SLC35D1: variants seen among roughly 807,000 people sequenced by gnomAD.
The protein encoded by SLC35D1 is nucleotide sugar transporter SLC35D1.
A neutral mutation model predicts 46.7 loss-of-function variants in SLC35D1; 31 were observed. The observed-to-expected ratio is 0.66, with a 90% CI of 0.50 to 0.90. The LOEUF (loss-of-function observed/expected upper bound fraction) is 0.90, where lower values mean the gene tolerates loss of function less well. SLC35D1 is among the 40% of genes least tolerant of loss of function. The probability of loss-of-function intolerance (pLI) is 0.00; values close to 1 mark genes in which losing one functional copy is unlikely to be tolerated. For synonymous variants in SLC35D1, 195 were observed against 164.6 expected (o/e 1.18, Z -1.41); for missense variants, 397 against 426.2 (o/e 0.93, Z 0.60).
intron 11 of SLC35D1, among the ~76,000 whole-genome samples, chr1:67,008,614 AAC>A (rs1159511591): frequency 6.6e-6 from 1 of 152,304 alleles, no homozygotes; most frequent in East Asian, 1.9e-4. Context: ...AAGCAAGGCA[AAC>A]ACAGTCTACT....
chr1:67,030,410 G>C (rs1326896984), intron 8 of SLC35D1, among the ~76,000 whole-genome samples: 1 of 152,012 alleles, frequency 6.6e-6, no homozygotes, highest in African/African-American at 2.4e-5. Flanking sequence ...TGTTGTAAGG[G>C]ACAATGATAA....
intron 10 of SLC35D1, among the ~76,000 whole-genome samples, chr1:67,017,870 T>C (rs916401237): frequency 6.6e-6 from 1 of 152,188 alleles, no homozygotes; most frequent in Admixed American, 6.6e-5. Flanking sequence ...TTAAATTTAC[T>C]CTTTTCTGCT....
chr1:66,981,117 G>T, the SLC35D1 span, among the ~76,000 whole-genome samples: 3 of 152,066 alleles, frequency 2.0e-5, no homozygotes, highest in East Asian at 1.9e-4. Context: ...CATTTTGTAG[G>T]TGATACACTA....
intron 8 of SLC35D1, among the ~76,000 whole-genome samples, chr1:67,039,118 C>T (rs1668186297): frequency 1.3e-5 from 2 of 152,112 alleles, no homozygotes; most frequent in South Asian, 2.1e-4. Flanking sequence ...AGTTTTCCCT[C>T]TTCTGCCTAC....
the SLC35D1 span, among the ~76,000 whole-genome samples, chr1:66,980,589 C>G: frequency 6.6e-6 from 1 of 152,154 alleles, no homozygotes; most frequent in Non-Finnish European, 1.5e-5. Context: ...TCCACTGTTT[C>G]CTTCTTATTT....
Position 67,009,101 on chromosome 1 carries a change from T to A in SLC35D1, c.943A>T (p.Ile315Phe). ...TTTACTTACCTGATATTTAAACCAA[T>A]GAAGTTTGTCCACGTGAAAATATAA... ...GDYIFTWTNFIGLNISIAGSL... is the reference protein window; with the variant it reads ...GDYIFTWTNFFGLNISIAGSL... Residue 315 changes from isoleucine (I) to phenylalanine (F), a missense_variant, in exon 11 of 12, where the codon ATT (isoleucine) becomes TTT (phenylalanine). Ile to Phe is a conservative substitution (Grantham distance 21). Transcript: ENST00000235345. The A allele has an allele frequency of 3.3e-6, 5 of 1,500,014 alleles. No individual in the cohort carries two copies. The highest frequency in any genetic ancestry group is 4.6e-6 in the Non-Finnish European group (5 of 1,079,268). The allele number at this position is 1,500,014 out of a possible 1,614,324, so 92.9% of individuals were successfully genotyped here.
chr1:67,036,840 C>A (rs1668134237), intron 8 of SLC35D1, among the ~76,000 whole-genome samples: 1 of 151,466 alleles, frequency 6.6e-6, no homozygotes, highest in Non-Finnish European at 1.5e-5. Context: ...TCTGGTAGTT[C>A]TGTGGTCTTC....
the SLC35D1 span, among the ~76,000 whole-genome samples, chr1:66,991,656 A>C: frequency 6.6e-6 from 1 of 152,210 alleles, no homozygotes; most frequent in African/African-American, 2.4e-5. Flanking sequence ...CTATTCCAGA[A>C]CGAGGAGTGA....
chr1:67,021,098 T>G (rs894467295), intron 9 of SLC35D1, among the ~76,000 whole-genome samples: 1 of 152,142 alleles, frequency 6.6e-6, no homozygotes, highest in Non-Finnish European at 1.5e-5. Flanking sequence ...AGAGGCACGT[T>G]TGCAGGTATC....
In SLC35D1 at chr1:67,001,817, C is replaced by G. The variant is rs1021569580; in HGVS notation, c.*2523G>C. ...AATGCTGGTTAGTGGCTGAAGGATG[C>G]ATCCAGGAAGCAGAACACAGACAGG... On this transcript the variant is annotated 3_prime_UTR_variant, in exon 12 of 12. Transcript: ENST00000235345. 6.6e-6 allele frequency: 1 copy of G among 152,442 alleles called. No homozygotes were observed. The highest frequency in any genetic ancestry group is 2.4e-5 in the African/African-American group (1 of 41,472). The allele number at this position is 152,442 out of a possible 1,614,324, so 9.4% of individuals were successfully genotyped here.
the SLC35D1 span, chr1:66,986,119 C>T: frequency 1.6e-5 from 18 of 1,109,636 alleles, no homozygotes; most frequent in Non-Finnish European, 2.0e-5. Context: ...CAGGCAGTAT[C>T]GATTTTATGA....
the SLC35D1 span, among the ~76,000 whole-genome samples, chr1:66,993,384 A>G: frequency 6.6e-5 from 10 of 152,350 alleles, no homozygotes; most frequent in African/African-American, 2.4e-4. Flanking sequence ...AGTGACCATG[A>G]TGGACTGAAG....
At chr1:67,026,461 C>G (rs946638255) in intron 8 of SLC35D1, among the ~76,000 whole-genome samples, 1 of 151,988 alleles carries the variant, frequency 6.6e-6, no homozygotes, top group Non-Finnish European at 1.5e-5. Context: ...GAAGGTAATC[C>G]TAGCCATATA....
chr1:67,053,767 C>CGCA (rs1159362728), intron 1 of SLC35D1, 44 bp downstream of exon 1: 5 of 1,452,544 alleles, frequency 3.4e-6, no homozygotes, highest in Non-Finnish European at 4.5e-6. Context: ...CCGCCGCCGC[C>CGCA]CGCTCCTCCT....
At chr1:67,040,731 C>T (rs1406603063) in intron 8 of SLC35D1, among the ~76,000 whole-genome samples, 2 of 152,182 alleles carry the variant, frequency 1.3e-5, no homozygotes, top group Admixed American at 6.5e-5. Flanking sequence ...TCTTCCTTGA[C>T]CTAGATTACT....
chr1:67,003,765 G>T lies in SLC35D1; in HGVS notation c.*575C>A, dbSNP rs115088136. Reference sequence around the variant, plus strand: ...CTCTGCTCATCCTATGAAAGTCAGGGAAGCCAACATAGATAGCAATACACT... The same window carrying T: ...CTCTGCTCATCCTATGAAAGTCAGGTAAGCCAACATAGATAGCAATACACT... On this transcript the variant is annotated 3_prime_UTR_variant, in exon 12 of 12. Transcript: ENST00000235345. The T allele has an allele frequency of 0.014, 2,118 of 156,734 alleles. 56 individuals are homozygous for T. Among genetic ancestry groups the T allele is most frequent in the African/African-American group, 0.048 (2,001 of 41,550 alleles). 9.7% of individuals were successfully genotyped at this position (156,734 alleles called of 1,614,324 possible). A position where few individuals can be genotyped will look rare whatever the true frequency, so the allele number is the denominator to read the frequency against.
chr1:66,978,250 C>A, the SLC35D1 span, among the ~76,000 whole-genome samples: 2 of 151,022 alleles, frequency 1.3e-5, no homozygotes, highest in Non-Finnish European at 3.0e-5. Context: ...GCTCTTCAGA[C>A]TCCTAAACTG....
chr1:67,044,946 T>C (rs1260864655), intron 7 of SLC35D1, among the ~76,000 whole-genome samples: 2 of 152,178 alleles, frequency 1.3e-5, no homozygotes, highest in African/African-American at 4.8e-5. Flanking sequence ...CGTACTGCCT[T>C]ACTGCCTCTG....
At chr1:67,034,720 G>T (rs1668087585) in intron 8 of SLC35D1, among the ~76,000 whole-genome samples, 1 of 152,082 alleles carries the variant, frequency 6.6e-6, no homozygotes, top group South Asian at 2.1e-4. Context: ...GTATTACACT[G>T]AGTAACAGTG....
Sources: allele counts gnomAD v4.1 joint callset (sites outside exome capture counted in the v4.1 genomes callset), GRCh38; gene constraint gnomAD v4.1.1; transcripts MANE v1.5; gene names NCBI Gene and HGNC (gene_info 2026-07-23, HGNC 2026-07-21).